Variants in VTI1A observed in about 807,000 individuals in gnomAD.
The protein encoded by VTI1A is vesicle transport through interaction with t-SNAREs 1A, also known as vesicle transport through interaction with t-SNAREs homolog 1A.
In VTI1A, 22 loss-of-function variants were observed where a neutral mutation model predicts 34.9. That is an observed-to-expected ratio of 0.63 (90% confidence interval 0.45 to 0.90). VTI1A has a LOEUF of 0.90. Ranked by LOEUF, VTI1A falls within the 40% of genes least tolerant of loss-of-function variation. The pLI, the probability that VTI1A is intolerant of heterozygous loss-of-function variation, is 0.00. For missense variants in VTI1A, 268 were observed against 275.6 expected, an observed-to-expected ratio of 0.97 and a Z score of 0.20; for synonymous variants, 87 against 97.3, an observed-to-expected ratio of 0.89 and a Z score of 0.62.
intron 5 of VTI1A, among the ~76,000 whole-genome samples, chr10:112,661,164 C>T (rs1847433036): frequency 6.6e-6 from 1 of 151,944 alleles, no homozygotes; most frequent in African/African-American, 2.4e-5. Flanking sequence ...GTACTTTTTG[C>T]TAGAGATGGG....
intron 5 of VTI1A, among the ~76,000 whole-genome samples, chr10:112,637,639 A>G (rs1846408370): frequency 6.6e-6 from 1 of 152,112 alleles, no homozygotes; most frequent in South Asian, 2.1e-4. Context: ...AGCCTGGGTG[A>G]CAGGGTGAGA....
intron 5 of VTI1A, among the ~76,000 whole-genome samples, chr10:112,617,033 CCA>C (rs1455113207): frequency 1.3e-5 from 2 of 152,024 alleles, no homozygotes; most frequent in Non-Finnish European, 2.9e-5. Context: ...AGACATAAAT[CCA>C]CAGAGACACA....
Position 112,608,205 on chromosome 10 carries a change from AAAG to A in VTI1A, c.428-60008_428-60006del, listed in dbSNP as rs560404758. Among the ~76,000 whole-genome samples, 139 of 152,316 alleles carry A rather than the reference AAAG, an allele frequency of 9.1e-4. 2 individuals carry two copies. The highest frequency in any genetic ancestry group is 3.4e-3 in the Middle Eastern group (1 of 294). ...TACTTTAAGCCTTTTAGAATTTCTT[AAAG>A]AAGATACCCTTCCAGTAGAATTAGA... On this transcript the variant is annotated intron_variant, in intron 5 of 7. Transcript: ENST00000393077.
intron 7 of VTI1A, among the ~76,000 whole-genome samples, chr10:112,808,193 G>A (rs983136920): frequency 1.3e-5 from 2 of 152,084 alleles, no homozygotes; most frequent in Non-Finnish European, 2.9e-5. Context: ...CCTCCAGCCT[G>A]GGCAATAGGC....
chr10:112,683,251 C>T (rs913295977), intron 7 of VTI1A, among the ~76,000 whole-genome samples: 3 of 152,156 alleles, frequency 2.0e-5, no homozygotes, highest in Admixed American at 6.5e-5. Context: ...GGAGCAGTTG[C>T]GATTCCCCAA....
At chr10:112,832,017 G>A in the VTI1A span, 1 of 152,138 alleles carries the variant, frequency 6.6e-6, no homozygotes, top group East Asian at 1.9e-4. Context: ...CGAGAATATC[G>A]GCTTCGGCTT....
chr10:112,733,774 A>AT (rs1850358387), intron 7 of VTI1A, among the ~76,000 whole-genome samples: 1 of 97,130 alleles, frequency 1.0e-5, no homozygotes, highest in African/African-American at 8.4e-5. Flanking sequence ...TTTTATTTTA[A>AT]GAGAGAGTTT....
At chr10:112,633,278 A>C (rs1304304556) in intron 5 of VTI1A, among the ~76,000 whole-genome samples, 4 of 152,224 alleles carry the variant, frequency 2.6e-5, no homozygotes, top group African/African-American at 7.2e-5. Flanking sequence ...AGTAAGAAGA[A>C]GATTAGCTCA....
At chr10:112,520,468 A>C (rs1849973269) in intron 3 of VTI1A, among the ~76,000 whole-genome samples, 1 of 152,042 alleles carries the variant, frequency 6.6e-6, no homozygotes, top group African/African-American at 2.4e-5. Context: ...GAAGAACTGC[A>C]GTTACATAAT....
chr10:112,837,998 T>G, the VTI1A span, among the ~76,000 whole-genome samples: 4 of 152,228 alleles, frequency 2.6e-5, no homozygotes, highest in Admixed American at 2.0e-4. Flanking sequence ...ACCTTCATGT[T>G]CTCCATTTTT....
chr10:112,518,547 T>TTCTC (rs57853028), intron 3 of VTI1A, among the ~76,000 whole-genome samples: 10 of 101,532 alleles, frequency 9.8e-5, no homozygotes, highest in South Asian at 3.9e-4. Context: ...TCATATCTCT[T>TTCTC]TCTCTCTCTC....
the VTI1A span, among the ~76,000 whole-genome samples, chr10:112,830,188 A>G: frequency 6.6e-6 from 1 of 152,120 alleles, no homozygotes; most frequent in Non-Finnish European, 1.5e-5. Context: ...AAATCAGATC[A>G]TAGAGCCTTC....
chr10:112,452,584 T>C (rs1314428283), intron 1 of VTI1A, among the ~76,000 whole-genome samples: 2 of 135,356 alleles, frequency 1.5e-5, no homozygotes, highest in Non-Finnish European at 3.3e-5. Context: ...AAAAAAAAAA[T>C]TAAGCTTTTA....
At chr10:112,607,019 G>T (rs762041717) in intron 5 of VTI1A, among the ~76,000 whole-genome samples, 3 of 152,128 alleles carry the variant, frequency 2.0e-5, no homozygotes, top group Non-Finnish European at 4.4e-5. Flanking sequence ...GGGCATGATG[G>T]CTCATTCCTG....
chr10:112,735,100 G>A (rs1850406564), intron 7 of VTI1A, among the ~76,000 whole-genome samples: 1 of 152,180 alleles, frequency 6.6e-6, no homozygotes, highest in Non-Finnish European at 1.5e-5. Flanking sequence ...GCTACCCACA[G>A]TGATTTACCA....
intron 3 of VTI1A, among the ~76,000 whole-genome samples, chr10:112,486,774 C>G (rs750307025): frequency 2.3e-5 from 3 of 131,328 alleles, no homozygotes; most frequent in Non-Finnish European, 5.0e-5. Context: ...ATAACACACT[C>G]AAAGACCACT....
chr10:112,639,401 AT>A (rs1426252902), intron 5 of VTI1A, among the ~76,000 whole-genome samples: 2 of 152,218 alleles, frequency 1.3e-5, no homozygotes, highest in African/African-American at 4.8e-5. Flanking sequence ...TAGTTATTCT[AT>A]AACAGTGACA....
chr10:112,477,517 A>G (rs188974018), intron 3 of VTI1A, among the ~76,000 whole-genome samples: 69 of 152,358 alleles, frequency 4.5e-4, no homozygotes, highest in African/African-American at 1.6e-3. Flanking sequence ...TATTATTTAA[A>G]CAAGTTACCA....
intron 1 of VTI1A, among the ~76,000 whole-genome samples, chr10:112,457,022 T>G (rs1847554106): frequency 6.6e-6 from 1 of 152,202 alleles, no homozygotes. Context: ...TCTGTCGCAT[T>G]CAGCCAAAGA....
Sources: gnomAD v4.1 joint callset for allele counts (sites outside exome capture counted in the v4.1 genomes callset) on GRCh38, gnomAD v4.1.1 for gene constraint, MANE v1.5 for transcripts, NCBI Gene and HGNC (gene_info 2026-07-23, HGNC 2026-07-21) for gene names.